The following PHACTR3 variants were observed in gnomAD, a reference collection of about 807,000 sequenced individuals.
PHACTR3 encodes the protein phosphatase and actin regulator 3, also known as protein phosphatase 1, regulatory subunit 123.
A neutral mutation model predicts 66.8 loss-of-function variants in PHACTR3; 16 were observed. The observed-to-expected ratio is 0.24, with a 90% CI of 0.16 to 0.36. PHACTR3 has a LOEUF of 0.36. Among genes scored for constraint, PHACTR3 ranks in the 10% least tolerant of loss-of-function variants. PHACTR3 has a pLI of 1.00. For synonymous variants in PHACTR3, 323 were observed against 292.1 expected (o/e 1.11, Z -1.08); for missense variants, 647 against 719.9 (o/e 0.90, Z 1.16).
chr20:59,586,416 G>T (rs1212259725), intron 1 of PHACTR3, among the ~76,000 whole-genome samples: 2 of 152,140 alleles, frequency 1.3e-5, no homozygotes, highest in African/African-American at 4.8e-5. Flanking sequence ...TAACAAGGAC[G>T]CTCCAGCACT....
intron 1 of PHACTR3, among the ~76,000 whole-genome samples, chr20:59,732,745 G>A (rs1347188394): frequency 1.3e-5 from 2 of 152,124 alleles, no homozygotes; most frequent in African/African-American, 4.8e-5. Flanking sequence ...ATTTGATTCT[G>A]CTTCCATTTT....
chr20:59,585,959 A>G (rs1006340917), intron 1 of PHACTR3, among the ~76,000 whole-genome samples: 1 of 152,166 alleles, frequency 6.6e-6, no homozygotes, highest in Non-Finnish European at 1.5e-5. Flanking sequence ...TCCTGAAAAC[A>G]TGTCGTATTT....
At chr20:59,682,355 C>CAAAA (rs1248342225) in intron 1 of PHACTR3, among the ~76,000 whole-genome samples, 2 of 149,724 alleles carry the variant, frequency 1.3e-5, no homozygotes, top group Non-Finnish European at 3.0e-5. Flanking sequence ...CAAAAACAAA[C>CAAAA]AAAACAAAAA....
At chr20:59,759,064 C>T (rs932328143) in intron 4 of PHACTR3, among the ~76,000 whole-genome samples, 20 of 152,160 alleles carry the variant, frequency 1.3e-4, no homozygotes, top group African/African-American at 4.3e-4. Context: ...TGGAAAGGGA[C>T]GCACTAACAC....
chr20:59,730,368 C>T (rs944812140), intron 1 of PHACTR3, among the ~76,000 whole-genome samples: 4 of 152,050 alleles, frequency 2.6e-5, no homozygotes, highest in Admixed American at 6.6e-5. Flanking sequence ...ACTTAATGAG[C>T]GAGGAGGGCC....
At chr20:59,709,878 A>C (rs1185980186) in intron 1 of PHACTR3, among the ~76,000 whole-genome samples, 8 of 151,940 alleles carry the variant, frequency 5.3e-5, no homozygotes, top group African/African-American at 7.3e-5. Context: ...GATTAGGTAA[A>C]GCCATCCCTT....
At chr20:59,630,962 G>A (rs1017832696) in intron 1 of PHACTR3, among the ~76,000 whole-genome samples, 2 of 152,200 alleles carry the variant, frequency 1.3e-5, no homozygotes, top group Non-Finnish European at 2.9e-5. Flanking sequence ...TCATGAAGAA[G>A]GGGTGGGTCT....
At chr20:59,712,307 T>G (rs1455370361) in intron 1 of PHACTR3, among the ~76,000 whole-genome samples, 1 of 152,214 alleles carries the variant, frequency 6.6e-6, no homozygotes, top group African/African-American at 2.4e-5. Context: ...CTTTTCCCAT[T>G]GGCTTATGGT....
At chr20:59,641,960 A>G (rs1380414734) in intron 1 of PHACTR3, among the ~76,000 whole-genome samples, 1 of 152,180 alleles carries the variant, frequency 6.6e-6, no homozygotes, top group African/African-American at 2.4e-5. Flanking sequence ...CTCTCACAAA[A>G]TCAGTCTCTG....
chr20:59,633,287 G>A (rs539162182), intron 1 of PHACTR3, among the ~76,000 whole-genome samples: 19 of 152,274 alleles, frequency 1.2e-4, no homozygotes, highest in Non-Finnish European at 2.5e-4. Context: ...TAAAGAAAAC[G>A]TGGTACATAT....
chr20:59,658,606 C>G (rs1302709745), intron 1 of PHACTR3, among the ~76,000 whole-genome samples: 1 of 152,160 alleles, frequency 6.6e-6, no homozygotes, highest in Non-Finnish European at 1.5e-5. Flanking sequence ...GTAGTTTTAG[C>G]ATGTGTCTCT....
intron 1 of PHACTR3, among the ~76,000 whole-genome samples, chr20:59,613,083 C>G (rs2146348242): frequency 6.6e-6 from 1 of 152,300 alleles, no homozygotes; most frequent in East Asian, 1.9e-4. Flanking sequence ...AGCCCCACCT[C>G]CAACATTAGG....
chr20:59,776,493 C>G (rs2040542163), intron 7 of PHACTR3, among the ~76,000 whole-genome samples: 1 of 136,312 alleles, frequency 7.3e-6, no homozygotes, highest in Non-Finnish European at 1.6e-5. Context: ...TTCTTCCTGT[C>G]CTCACCAGCC....
intron 1 of PHACTR3, among the ~76,000 whole-genome samples, chr20:59,613,645 C>A (rs1202497328): frequency 6.6e-6 from 1 of 152,218 alleles, no homozygotes; most frequent in Non-Finnish European, 1.5e-5. Flanking sequence ...GAACTACAGT[C>A]TCTGCCATAT....
At chr20:59,786,863 G>A (rs189263004) in intron 7 of PHACTR3, among the ~76,000 whole-genome samples, 202 of 152,328 alleles carry the variant, frequency 1.3e-3, no homozygotes, top group Admixed American at 2.2e-3. Context: ...TAGTTAACAG[G>A]TATTTACAGA....
rs867456364 is a variant in PHACTR3, at chr20:59,774,568, C to A, written c.1174+78C>A. 1.3e-5 allele frequency: 20 copies of A among 1,527,710 alleles called. No homozygotes were observed. In the Middle Eastern group the frequency reaches 1.1e-3, roughly 83 times the overall value. The allele number at this position is 1,527,710 out of a possible 1,614,324, so 94.6% of individuals were successfully genotyped here. A position where few individuals can be genotyped will look rare whatever the true frequency, so the allele number is the denominator to read the frequency against. ...TCACCAGGGGGTCGAGGACAGAGCT[C>A]GTGCCTGGGGGAGGAACAGGTCGAG... On this transcript the variant is annotated intron_variant, in intron 7 of 12. Transcript: ENST00000371015.
intron 7 of PHACTR3, among the ~76,000 whole-genome samples, chr20:59,795,006 T>C (rs979594511): frequency 1.3e-5 from 2 of 152,156 alleles, no homozygotes; most frequent in Non-Finnish European, 2.9e-5. Flanking sequence ...TTATTTCTGC[T>C]CTAACCTTTA....
chr20:59,757,411 G>T (rs1307844000), intron 4 of PHACTR3, among the ~76,000 whole-genome samples: 1 of 152,250 alleles, frequency 6.6e-6, no homozygotes, highest in Non-Finnish European at 1.5e-5. Context: ...TCCTGAGTGA[G>T]GCCTGAGGGA....
chr20:59,634,341 A>T (rs998537030), intron 1 of PHACTR3, among the ~76,000 whole-genome samples: 1 of 152,196 alleles, frequency 6.6e-6, no homozygotes, highest in African/African-American at 2.4e-5. Flanking sequence ...TCCTTCATAA[A>T]ATGGGCACAC....
Sources: gnomAD v4.1 joint callset for allele counts (sites outside exome capture counted in the v4.1 genomes callset) on GRCh38, gnomAD v4.1.1 for gene constraint, MANE v1.5 for transcripts, NCBI Gene and HGNC (gene_info 2026-07-23, HGNC 2026-07-21) for gene names.